The following CRKL variants were observed in gnomAD, a reference collection of about 807,000 sequenced individuals.
CRKL encodes the protein CRK like proto-oncogene, adaptor protein, also known as crk-like protein.
CRKL carries 3 observed loss-of-function variants against 23.0 expected under a neutral mutation model. The ratio of observed to expected loss-of-function variants is 0.13; its 90% confidence interval spans 0.06 to 0.34. The LOEUF (loss-of-function observed/expected upper bound fraction) is 0.34. Among genes scored for constraint, CRKL ranks in the 10% least tolerant of loss-of-function variants. CRKL has a pLI of 1.00. For synonymous variants in CRKL, 188 were observed against 160.7 expected (o/e 1.17, Z -1.28); for missense variants, 256 against 394.5 (o/e 0.65, Z 2.97).
At position 20,941,564 on chromosome 22, in the gene CRKL, G is replaced by A. The variant is rs1187446808; in HGVS notation, c.777+7320G>A. On this transcript the variant is annotated intron_variant, in intron 2 of 2. Coordinates refer to ENST00000354336, the MANE Select transcript of CRKL (RefSeq NM_005207.4). ...TGTGTGTGTGTGTGTGTGTGTGTGT[G>A]TGTGTGTGTGTGTGTATATATATAT... Among the ~76,000 whole-genome samples, 47 of 16,552 alleles carry A rather than the reference G, an allele frequency of 2.8e-3. 2 individuals carry two copies. Among genetic ancestry groups the A allele is most frequent in the East Asian group, 5.0e-3 (1 of 202 alleles). The allele number at this position is 16,552 out of a possible 152,430, so 10.9% of individuals were successfully genotyped here. A position where few individuals can be genotyped will look rare whatever the true frequency, so the allele number is the denominator to read the frequency against.
At position 20,951,512 on chromosome 22, in the gene CRKL, C is replaced by G. The variant is rs1922276955; in HGVS notation, c.*1667C>G. Reference sequence around the variant, plus strand: ...CATAGCAGACTAGAATTCTGGGAACCCTGTGCAATTCAGTCTGCTCTCCCT... The same window carrying G: ...CATAGCAGACTAGAATTCTGGGAACGCTGTGCAATTCAGTCTGCTCTCCCT... On this transcript the variant is annotated 3_prime_UTR_variant, in exon 3 of 3. Transcript: ENST00000354336. 14 of 227,126 alleles carry G rather than the reference C, an allele frequency of 6.2e-5. No individual in the cohort carries two copies. Among genetic ancestry groups the G allele is most frequent in the Admixed American group, 5.7e-4 (10 of 17,550 alleles). The allele number at this position is 227,126 out of a possible 1,614,324, so 14.1% of individuals were successfully genotyped here. A position where few individuals can be genotyped will look rare whatever the true frequency, so the allele number is the denominator to read the frequency against.
chr22:20,931,120 C>G (rs1274629284), intron 1 of CRKL, among the ~76,000 whole-genome samples: 1 of 152,054 alleles, frequency 6.6e-6, no homozygotes, highest in Non-Finnish European at 1.5e-5. Context: ...CTTGAAATAG[C>G]AGGGGCTGGG....
chr22:20,920,751 C>T (rs1920983909), intron 1 of CRKL, among the ~76,000 whole-genome samples: 2 of 152,104 alleles, frequency 1.3e-5, no homozygotes, highest in African/African-American at 4.8e-5. Flanking sequence ...CACCTTTGCT[C>T]CAGCTGTTGG....
In CRKL at chr22:20,934,028, C is replaced by T. The variant is rs377625090; in HGVS notation, c.561C>T (p.His187=). ...YVEKLVRSSP[H]GKHGNRNSNS... is the part of the protein sequence containing the mutation. ...AAAAGCTTGTGAGATCCTCACCACA[C>T]GGAAAGCATGGAAATAGGAATTCCA... Residue 187 remains histidine, a synonymous_variant, in exon 2 of 3, where the codon CAC becomes CAT. Transcript: ENST00000354336. 269 of 1,614,046 alleles carry T rather than the reference C, an allele frequency of 1.7e-4. No individual in the cohort carries two copies. The highest frequency in any genetic ancestry group is 2.2e-4 in the Non-Finnish European group (256 of 1,180,048).
chr22:20,941,589 T>TATATATATATA (rs1491187455), intron 2 of CRKL, among the ~76,000 whole-genome samples: 5 of 32,194 alleles, frequency 1.6e-4, no homozygotes, highest in African/African-American at 5.5e-4. Context: ...TATATATATA[T>TATATATATATA]TTTTTTTTTT....
intron 1 of CRKL, among the ~76,000 whole-genome samples, chr22:20,930,919 T>C (rs1921426943): frequency 6.9e-6 from 1 of 145,026 alleles, no homozygotes; most frequent in Non-Finnish European, 1.5e-5. Flanking sequence ...CCTGACCTTG[T>C]GATCCGTCCA....
chr22:20,941,976 C>T (rs1921900360), intron 2 of CRKL, among the ~76,000 whole-genome samples: 1 of 152,078 alleles, frequency 6.6e-6, no homozygotes. Context: ...TTAGGCTGAC[C>T]TCTGTTTTCT....
chr22:20,937,183 C>A (rs1921696297), intron 2 of CRKL, among the ~76,000 whole-genome samples: 1 of 152,190 alleles, frequency 6.6e-6, no homozygotes, highest in Non-Finnish European at 1.5e-5. Flanking sequence ...CACACACAGA[C>A]CTGCCTAGGC....
intron 1 of CRKL, among the ~76,000 whole-genome samples, chr22:20,925,314 C>G (rs556195525): frequency 6.6e-6 from 1 of 151,256 alleles, no homozygotes; most frequent in Admixed American, 6.6e-5. Context: ...AATGATTAGA[C>G]TAGATTTCTG....
rs547902233 is a variant in CRKL, at chr22:20,950,124, A to G, written c.*279A>G. On this transcript the variant is annotated 3_prime_UTR_variant, in exon 3 of 3. Coordinates refer to ENST00000354336, the MANE Select transcript of CRKL (RefSeq NM_005207.4). The stretch of plus-strand genomic sequence containing the variant: ...CACAAGTGGAGAGAAGTTGACATGG[A>G]AAGGGTCTTCCTTCTCATTGCTGCC... 4 of 394,766 alleles carry G rather than the reference A, an allele frequency of 1.0e-5. No individual in the cohort carries two copies. Among genetic ancestry groups the G allele is most frequent in the Non-Finnish European group, 1.8e-5 (4 of 222,766 alleles). 24.5% of individuals were successfully genotyped at this position (394,766 alleles called of 1,614,324 possible).
At chr22:20,943,825 G>T (rs908141863) in intron 2 of CRKL, among the ~76,000 whole-genome samples, 1 of 63,174 alleles carries the variant, frequency 1.6e-5, no homozygotes. Flanking sequence ...AGACTCCCAC[G>T]TGTTAAAAAA....
chr22:20,922,848 T>C (rs1921041598), intron 1 of CRKL, among the ~76,000 whole-genome samples: 1 of 152,072 alleles, frequency 6.6e-6, no homozygotes, highest in African/African-American at 2.4e-5. Flanking sequence ...AATTTTTGTA[T>C]TTTTGGTAGA....
intron 2 of CRKL, among the ~76,000 whole-genome samples, chr22:20,934,924 C>G (rs1016887591): frequency 8.0e-5 from 12 of 150,152 alleles, no homozygotes; most frequent in Middle Eastern, 3.2e-3. Context: ...CACCATTCTC[C>G]TACCTCAGCC....
Position 20,934,228 on chromosome 22 carries a change from C to G in CRKL, c.761C>G (p.Thr254Ser), listed in dbSNP as rs1921571001. 8.7e-6 allele frequency: 14 copies of G among 1,612,866 alleles called. No homozygotes were observed. Among genetic ancestry groups the G allele is most frequent in the Non-Finnish European group, 1.2e-5 (14 of 1,178,954 alleles). ...AGAGTACCCTGTGCTTATGACAAGA[C>G]TGCCTTGGCATTAGAGGTAAAATCT... ...QKRVPCAYDK[T>S]ALALEVGDIV... is the part of the protein sequence containing the mutation. Residue 254 changes from threonine (T) to serine (S), a missense_variant, in exon 2 of 3, where the codon ACT (threonine) becomes AGT (serine). By Grantham distance (58) the Thr-to-Ser change is moderately conservative. This residue lies in a region of CRKL where 129 missense variants were observed against 222.1 expected (regional missense o/e 0.58). Coordinates refer to ENST00000354336, the MANE Select transcript of CRKL (RefSeq NM_005207.4).
chr22:20,933,540 C>T (rs766461109), intron 1 of CRKL, among the ~76,000 whole-genome samples: 4 of 144,332 alleles, frequency 2.8e-5, no homozygotes, highest in Admixed American at 7.0e-5. Flanking sequence ...TGGTAGTGGG[C>T]GCCTGTAATC....
At chr22:20,922,213 A>G (rs1235189709) in intron 1 of CRKL, among the ~76,000 whole-genome samples, 1 of 150,842 alleles carries the variant, frequency 6.6e-6, no homozygotes, top group African/African-American at 2.4e-5. Context: ...AGTAGAGACA[A>G]GGTTTCACCA....
Position 20,952,571 on chromosome 22 carries a change from A to G in CRKL, c.*2726A>G, listed in dbSNP as rs933028735. 11 of 232,584 alleles carry G rather than the reference A, an allele frequency of 4.7e-5. No individual in the cohort carries two copies. Among genetic ancestry groups the G allele is most frequent in the Non-Finnish European group, 6.0e-5 (7 of 117,562 alleles). 14.4% of individuals were successfully genotyped at this position (232,584 alleles called of 1,614,324 possible). ...GAATGCAGCACTGCTGCCTCAGCTCAGCTTCGTGCCTGGGTTCCCCACTGG... is the reference window on the plus strand; with the variant it reads ...GAATGCAGCACTGCTGCCTCAGCTCGGCTTCGTGCCTGGGTTCCCCACTGG... On this transcript the variant is annotated 3_prime_UTR_variant, in exon 3 of 3. Coordinates refer to ENST00000354336, the MANE Select transcript of CRKL (RefSeq NM_005207.4).
intron 1 of CRKL, among the ~76,000 whole-genome samples, chr22:20,930,376 C>G (rs1179797600): frequency 6.6e-6 from 1 of 151,974 alleles, no homozygotes; most frequent in African/African-American, 2.4e-5. Context: ...GCTTGGCTAT[C>G]TTCTTTTTTT....
At chr22:20,946,476 C>T (rs1395842236) in intron 2 of CRKL, among the ~76,000 whole-genome samples, 2 of 152,118 alleles carry the variant, frequency 1.3e-5, no homozygotes, top group Non-Finnish European at 2.9e-5. Context: ...TTTGACAGTT[C>T]TAATAATGAT....
Sources: gnomAD v4.1 joint callset for allele counts (sites outside exome capture counted in the v4.1 genomes callset) on GRCh38, gnomAD v4.1.1 for gene constraint, gnomAD v4.1.1 regional missense constraint, MANE v1.5 for transcripts, NCBI Gene and HGNC (gene_info 2026-07-23, HGNC 2026-07-21) for gene names.